The following HDAC9 variants were observed in gnomAD, a reference collection of about 807,000 sequenced individuals.
The protein encoded by HDAC9 is MEF-2 interacting transcription repressor (MITR) protein.
A neutral mutation model predicts 139.4 loss-of-function variants in HDAC9; 41 were observed. The observed-to-expected ratio is 0.29, with a 90% confidence interval of 0.23 to 0.38. HDAC9 has a LOEUF of 0.38. HDAC9 is among the 10% of genes least tolerant of loss of function. HDAC9 has a pLI of 1.00. For synonymous variants in HDAC9, 517 were observed against 476.2 expected (o/e 1.09, Z -1.12); for missense variants, 1,147 against 1,297.0 (o/e 0.88, Z 1.78).
intron 22 of HDAC9, chr7:18,907,173 CAGAGCA>C (rs1157182078): frequency 2.6e-5 from 4 of 152,096 alleles, no homozygotes; most frequent in Non-Finnish European, 5.9e-5. Context: ...TTGTCCCATG[CAGAGCA>C]TGGAAAGGTG....
At chr7:18,273,406 G>A (rs750058480) in intron 2 of HDAC9, among the ~76,000 whole-genome samples, 2 of 151,990 alleles carry the variant, frequency 1.3e-5, no homozygotes, top group Non-Finnish European at 2.9e-5. Context: ...ATTGTGTATA[G>A]CAAAATAGAC....
At chr7:18,166,139 A>G (rs565566861) in intron 2 of HDAC9, among the ~76,000 whole-genome samples, 1 of 152,358 alleles carries the variant, frequency 6.6e-6, no homozygotes, top group African/African-American at 2.4e-5. Context: ...AAACGCATCC[A>G]AAGGAATTTT....
At chr7:18,238,818 G>A (rs1476845989) in intron 2 of HDAC9, among the ~76,000 whole-genome samples, 1 of 152,238 alleles carries the variant, frequency 6.6e-6, no homozygotes, top group Non-Finnish European at 1.5e-5. Flanking sequence ...ACTTTTAGCA[G>A]TGGGAGTTAC....
intron 12 of HDAC9, among the ~76,000 whole-genome samples, chr7:18,684,213 C>T (rs905702292): frequency 6.6e-6 from 1 of 151,662 alleles, no homozygotes; most frequent in Admixed American, 6.6e-5. Flanking sequence ...ACCTATCATC[C>T]CACTGCACTC....
At chr7:18,915,173 T>G (rs1377026007) in intron 22 of HDAC9, among the ~76,000 whole-genome samples, 1 of 152,090 alleles carries the variant, frequency 6.6e-6, no homozygotes, top group East Asian at 1.9e-4. Flanking sequence ...AATGCACAGT[T>G]TTTATTAAGG....
intron 1 of HDAC9, among the ~76,000 whole-genome samples, chr7:18,309,558 T>C (rs1161619711): frequency 6.6e-6 from 1 of 152,164 alleles, no homozygotes; most frequent in African/African-American, 2.4e-5. Context: ...TATTCAGTCA[T>C]AGATTACAGT....
intron 13 of HDAC9, among the ~76,000 whole-genome samples, chr7:18,742,787 T>G (rs1192323310): frequency 1.3e-5 from 2 of 152,184 alleles, no homozygotes; most frequent in Non-Finnish European, 2.9e-5. Flanking sequence ...AATTCCTTTC[T>G]TTATTGCCTC....
chr7:18,585,182 A>G (rs1411875530), intron 2 of HDAC9, 99 bp from the exon 3 acceptor site: 13 of 1,332,960 alleles, frequency 9.8e-6, no homozygotes, highest in Non-Finnish European at 1.4e-5. Context: ...TTTGTTGTAC[A>G]GGGTCTTATA....
chr7:18,923,726 A>T (rs569641845), intron 22 of HDAC9, among the ~76,000 whole-genome samples: 2 of 152,216 alleles, frequency 1.3e-5, no homozygotes, highest in East Asian at 3.9e-4. Context: ...TCACAAGTAG[A>T]CCATGGCTTA....
At chr7:18,093,020 G>GT (rs1354325500) in intron 1 of HDAC9, among the ~76,000 whole-genome samples, 1 of 152,180 alleles carries the variant, frequency 6.6e-6, no homozygotes, top group African/African-American at 2.4e-5. Flanking sequence ...TCATTTTATA[G>GT]AAAGGAGTAG....
intron 6 of HDAC9, among the ~76,000 whole-genome samples, chr7:18,626,488 A>G (rs1276644413): frequency 6.6e-6 from 1 of 152,188 alleles, no homozygotes; most frequent in East Asian, 1.9e-4. Context: ...TTAACATGAG[A>G]AATCGAGGTT....
At position 18,996,190 on chromosome 7, in the gene HDAC9, A is replaced by G. The variant is rs1231066198; in HGVS notation, c.*128A>G. 1.6e-6 allele frequency: 1 copy of G among 618,832 alleles called. No individual in the cohort carries two copies. Among genetic ancestry groups the G allele is most frequent in the Non-Finnish European group, 2.8e-6 (1 of 353,652 alleles). The allele number at this position is 618,832 out of a possible 1,614,324, so 38.3% of individuals were successfully genotyped here. A position where few individuals can be genotyped will look rare whatever the true frequency, so the allele number is the denominator to read the frequency against. On this transcript the variant is annotated 3_prime_UTR_variant, in exon 26 of 26. Transcript: ENST00000686413. ...ATTCAATGGAACATAAACACTGGGC[A>G]CAAAATTCTGAACAGCAGCTTCACT...
In HDAC9 at chr7:18,549,255, A is replaced by G. The variant is rs189407882; in HGVS notation, c.23-36026A>G. On this transcript the variant is annotated intron_variant, in intron 2 of 25. Coordinates refer to ENST00000686413, the MANE Select transcript of HDAC9 (RefSeq NM_178425.4). The stretch of plus-strand genomic sequence containing the variant: ...CTGTCTGAAATAAATAAATAAACAA[A>G]CAAACAAATTTACCATATAAGCCAG... Among the ~76,000 whole-genome samples the G allele has an allele frequency of 2.2e-3, 339 of 152,230 alleles. 2 individuals are homozygous for G. Among genetic ancestry groups the G allele is most frequent in the African/African-American group, 6.9e-3 (287 of 41,540 alleles).
intron 8 of HDAC9, among the ~76,000 whole-genome samples, chr7:18,640,019 T>C (rs980776924): frequency 2.6e-5 from 4 of 152,050 alleles, no homozygotes; most frequent in African/African-American, 9.7e-5. Flanking sequence ...TTTCTTTTTC[T>C]GATTCTCATG....
chr7:18,104,057 C>A (rs965981037), intron 1 of HDAC9, among the ~76,000 whole-genome samples: 84 of 152,226 alleles, frequency 5.5e-4, no homozygotes, highest in African/African-American at 1.9e-3. Flanking sequence ...ACCTAACATG[C>A]ACAGCTTTGG....
At chr7:18,216,106 CTGTGTGTGTG>C (rs56214633) in intron 2 of HDAC9, among the ~76,000 whole-genome samples, 2 of 147,946 alleles carry the variant, frequency 1.4e-5, no homozygotes, top group South Asian at 2.2e-4. Flanking sequence ...GCCTGCGTGT[CTGTGTGTGTG>C]TGTGTGTGTG....
chr7:18,840,343 A>G (rs1348866678), intron 21 of HDAC9, among the ~76,000 whole-genome samples: 1 of 152,038 alleles, frequency 6.6e-6, no homozygotes, highest in Non-Finnish European at 1.5e-5. Flanking sequence ...TTTTCAATAG[A>G]CAGTGAATCT....
chr7:18,704,998 T>C (rs1783773264), intron 12 of HDAC9, among the ~76,000 whole-genome samples: 1 of 152,206 alleles, frequency 6.6e-6, no homozygotes, highest in Non-Finnish European at 1.5e-5. Context: ...ATTTTTAACT[T>C]TCTAGTAGTC....
rs563605985 is a variant in HDAC9, at chr7:18,096,262, G to A, written c.-97+9049G>A. 2.0e-5 allele frequency among the ~76,000 whole-genome samples: 3 copies of A among 152,216 alleles called. No homozygotes were observed. The South Asian group carries it at 6.2e-4, about 32-fold the overall frequency. On this transcript the variant is annotated intron_variant, in intron 1 of 12. Transcript: ENST00000417496. The stretch of plus-strand genomic sequence containing the variant: ...ATAGTACAGGTACTTTTGCCTGCCT[G>A]TGCTACCCAGTGTTCTGTAATGACT...
Sources: gnomAD v4.1 joint callset for allele counts (sites outside exome capture counted in the v4.1 genomes callset) on GRCh38, gnomAD v4.1.1 for gene constraint, MANE v1.5 for transcripts, NCBI Gene and HGNC (gene_info 2026-07-23, HGNC 2026-07-21) for gene names.